The following STXBP5L variants were observed in gnomAD, a reference collection of about 807,000 sequenced individuals.
STXBP5L encodes the protein syntaxin binding protein 5L.
Under a neutral mutation model 144.5 loss-of-function variants are expected in STXBP5L, and 65 were observed. The ratio of observed to expected loss-of-function variants is 0.45; its 90% CI spans 0.37 to 0.55. The LOEUF is 0.55. Ranked by LOEUF, STXBP5L falls within the 20% of genes least tolerant of loss-of-function variation. STXBP5L has a pLI of 0.00. For missense variants in STXBP5L, 1,298 were observed against 1,405.5 expected, an observed-to-expected ratio of 0.92 and a Z score of 1.22; for synonymous variants, 505 against 469.6, an observed-to-expected ratio of 1.08 and a Z score of -0.97.
intron 19 of STXBP5L, among the ~76,000 whole-genome samples, chr3:121,300,305 A>T (rs1168441787): frequency 6.6e-6 from 1 of 150,980 alleles, no homozygotes; most frequent in Non-Finnish European, 1.5e-5. Flanking sequence ...TAAAGCAGAT[A>T]AAAAAACGAT....
intron 3 of STXBP5L, among the ~76,000 whole-genome samples, chr3:120,956,392 A>G (rs1017250974): frequency 6.6e-6 from 1 of 151,360 alleles, no homozygotes; most frequent in Admixed American, 6.6e-5. Flanking sequence ...AATTTTTACT[A>G]CTCTAGGTAA....
chr3:121,413,267 T>C lies in STXBP5L; in HGVS notation c.3058T>C (p.Ser1020Pro). The change falls in exon 24 of 27, where the codon TCT (serine) becomes CCT (proline). Residue 1020 changes from serine to proline, a missense_variant. By Grantham distance (74) the Ser-to-Pro change is moderately conservative. Coordinates refer to ENST00000471454, the MANE Select transcript of STXBP5L (RefSeq NM_001308330.2). Reference protein sequence around the residue: ...TNEGQALYLVSPTEIQRLTYS... With the variant: ...TNEGQALYLVPPTEIQRLTYS... ...TGAAGGACAGGCATTATACCTCGTC[T>C]CTCCTACTGAAATTCAGCGGTTAAC... 1 of 1,605,228 alleles carries C rather than the reference T, an allele frequency of 6.2e-7. No homozygotes were observed. Among genetic ancestry groups the C allele is most frequent in the Non-Finnish European group, 8.5e-7 (1 of 1,177,098 alleles).
intron 20 of STXBP5L, among the ~76,000 whole-genome samples, chr3:121,374,527 G>A (rs778130694): frequency 1.2e-4 from 18 of 152,022 alleles, no homozygotes; most frequent in Non-Finnish European, 2.1e-4. Flanking sequence ...AATCTAGCAA[G>A]ATACAAGAGT....
At chr3:121,080,420 C>A (rs1330428203) in intron 5 of STXBP5L, among the ~76,000 whole-genome samples, 1 of 151,844 alleles carries the variant, frequency 6.6e-6, no homozygotes, top group Non-Finnish European at 1.5e-5. Flanking sequence ...TTTATAGGCC[C>A]TGTGAGATTT....
At chr3:121,007,648 T>G (rs1944443029) in intron 3 of STXBP5L, among the ~76,000 whole-genome samples, 1 of 151,918 alleles carries the variant, frequency 6.6e-6, no homozygotes, top group Non-Finnish European at 1.5e-5. Context: ...AGGATGAGGG[T>G]GGGATATTAT....
chr3:121,036,106 G>A (rs1237042774), intron 3 of STXBP5L, among the ~76,000 whole-genome samples: 1 of 152,110 alleles, frequency 6.6e-6, no homozygotes. Flanking sequence ...GCTGAGGTGG[G>A]CAGATCACTT....
intron 3 of STXBP5L, among the ~76,000 whole-genome samples, chr3:121,011,759 A>T (rs147766783): frequency 6.6e-6 from 1 of 151,482 alleles, no homozygotes; most frequent in South Asian, 2.1e-4. Context: ...TGAATTTGTT[A>T]TATCTTTTTT....
intron 15 of STXBP5L, among the ~76,000 whole-genome samples, chr3:121,253,390 A>G (rs2050090391): frequency 6.6e-6 from 1 of 151,810 alleles, no homozygotes; most frequent in Non-Finnish European, 1.5e-5. Flanking sequence ...ACATACATAT[A>G]TACATATAGC....
At chr3:120,999,698 T>C (rs1212942291) in intron 3 of STXBP5L, among the ~76,000 whole-genome samples, 1 of 152,176 alleles carries the variant, frequency 6.6e-6, no homozygotes, top group Non-Finnish European at 1.5e-5. Flanking sequence ...CATATGTTTT[T>C]GTGATGGGTG....
chr3:121,072,503 G>A (rs1376039354), intron 5 of STXBP5L, among the ~76,000 whole-genome samples: 1 of 152,142 alleles, frequency 6.6e-6, no homozygotes, highest in East Asian at 1.9e-4. Flanking sequence ...ATGAACCGGG[G>A]GGCTATTGCT....
intron 9 of STXBP5L, among the ~76,000 whole-genome samples, chr3:121,187,510 TAACA>T (rs2047440899): frequency 6.7e-6 from 1 of 150,348 alleles, no homozygotes; most frequent in South Asian, 2.1e-4. Flanking sequence ...TATACATATG[TAACA>T]AACCTGCACA....
In STXBP5L at chr3:121,251,344, A is replaced by G. The variant is rs1002130339; in HGVS notation, c.1441+581A>G. Among the ~76,000 whole-genome samples, 40 of 152,220 alleles carry G rather than the reference A, an allele frequency of 2.6e-4. 1 individual carries two copies. On this transcript the variant is annotated intron_variant, in intron 15 of 26. Transcript: ENST00000471454. ...CATTAGAAAAGATAAAGAAATGCACATATATAACTATAGGGAAAACAATAT... is the reference window on the plus strand; with the variant it reads ...CATTAGAAAAGATAAAGAAATGCACGTATATAACTATAGGGAAAACAATAT...
At chr3:121,287,048 T>C (rs7634186) in intron 19 of STXBP5L, among the ~76,000 whole-genome samples, 1 of 152,018 alleles carries the variant, frequency 6.6e-6, no homozygotes, top group Non-Finnish European at 1.5e-5. Flanking sequence ...TAGAGCAAAG[T>C]GCTGATCAAC....
intron 11 of STXBP5L, among the ~76,000 whole-genome samples, chr3:121,229,768 G>A (rs1289894223): frequency 1.3e-5 from 2 of 152,002 alleles, no homozygotes; most frequent in Non-Finnish European, 2.9e-5. Context: ...TACCCAGGGT[G>A]GTCTCAAACT....
At chr3:121,306,641 C>T (rs1165190459) in intron 19 of STXBP5L, among the ~76,000 whole-genome samples, 2 of 152,060 alleles carry the variant, frequency 1.3e-5, no homozygotes, top group African/African-American at 4.8e-5. Flanking sequence ...CCTAAGTGTG[C>T]TCTCAAGACC....
At chr3:121,314,001 C>A (rs200346453) in intron 19 of STXBP5L, among the ~76,000 whole-genome samples, 10 of 143,330 alleles carry the variant, frequency 7.0e-5, no homozygotes, top group Admixed American at 6.8e-4. Context: ...AGACGATGGG[C>A]GGCCAGGCAG....
intron 25 of STXBP5L, among the ~76,000 whole-genome samples, chr3:121,417,203 G>A (rs2047258496): frequency 6.6e-6 from 1 of 152,172 alleles, no homozygotes; most frequent in African/African-American, 2.4e-5. Context: ...TGAGCATGGA[G>A]TTTCTTTTTG....
intron 3 of STXBP5L, among the ~76,000 whole-genome samples, chr3:120,966,129 C>T (rs762398045): frequency 7.2e-5 from 11 of 152,192 alleles, no homozygotes; most frequent in Admixed American, 1.3e-4. Context: ...TCAGCTCCAT[C>T]AGGTCATTTA....
chr3:121,267,151 C>T (rs1345126071), intron 18 of STXBP5L, among the ~76,000 whole-genome samples: 1 of 152,166 alleles, frequency 6.6e-6, no homozygotes, highest in Non-Finnish European at 1.5e-5. Context: ...TGCTACCTGA[C>T]TTCGAACTAT....
Sources: gnomAD v4.1 joint callset for allele counts (sites outside exome capture counted in the v4.1 genomes callset) on GRCh38, gnomAD v4.1.1 for gene constraint, MANE v1.5 for transcripts, NCBI Gene and HGNC (gene_info 2026-07-23, HGNC 2026-07-21) for gene names.